CYP2J2: variants seen among roughly 807,000 people sequenced by gnomAD.
CYP2J2 encodes the protein cytochrome P450 2J2.
CYP2J2 carries 41 observed loss-of-function variants against 48.8 expected under a neutral mutation model. That is an observed-to-expected ratio of 0.84 (90% CI 0.66 to 1.09). The LOEUF (loss-of-function observed/expected upper bound fraction) is 1.09, where lower values mean the gene tolerates loss of function less well. Among genes scored for constraint, CYP2J2 ranks in the 50% least tolerant of loss-of-function variants. The pLI is 0.00. For synonymous variants in CYP2J2, 221 were observed against 227.1 expected, an observed-to-expected ratio of 0.97 and a Z score of 0.24; for missense variants, 644 against 617.3, an observed-to-expected ratio of 1.04 and a Z score of -0.46.
At position 59,900,990 on chromosome 1, in the gene CYP2J2, C is replaced by G; in HGVS notation, c.1305G>C (p.Arg435Ser). 6.2e-7 allele frequency: 1 copy of G among 1,614,134 alleles called. No individual in the cohort carries two copies. The highest frequency in any genetic ancestry group is 8.5e-7 in the Non-Finnish European group (1 of 1,179,994). The change falls in exon 8 of 9, where the codon AGG becomes AGC. Residue 435 changes from arginine to serine, a missense_variant. By Grantham distance (110) the Arg-to-Ser change is moderately radical. Coordinates refer to ENST00000371204, the MANE Select transcript of CYP2J2 (RefSeq NM_000775.4). ...HFLENGQFKK[R>S]EAFMPFSIGK... ...CTATTGAGAAAGGCATAAAGGCTTC[C>G]CTTTTCTTAAACTGTCCATTCTCCA...
upstream of CYP2J2, among the ~76,000 whole-genome samples, chr1:59,928,481 G>A (rs978784261): frequency 1.3e-5 from 2 of 152,146 alleles, no homozygotes; most frequent in African/African-American, 4.8e-5. Flanking sequence ...CCCCATTCTA[G>A]ACAGTTAAAT....
At chr1:59,927,172 T>C (rs1378224713), upstream of CYP2J2, among the ~76,000 whole-genome samples, 1 of 152,210 alleles carries the variant, frequency 6.6e-6, no homozygotes, top group African/African-American at 2.4e-5. Flanking sequence ...AAGCTCTCGG[T>C]AGTCTCATCT....
At chr1:59,923,968 C>T (rs1282336123) in intron 1 of CYP2J2, among the ~76,000 whole-genome samples, 1 of 152,026 alleles carries the variant, frequency 6.6e-6, no homozygotes, top group African/African-American at 2.4e-5. Context: ...ACAGGATAAA[C>T]CCAAAGAAAG....
the CYP2J2 span, among the ~76,000 whole-genome samples, chr1:59,965,405 C>T: frequency 1.3e-5 from 2 of 152,212 alleles, no homozygotes; most frequent in African/African-American, 4.8e-5. Context: ...CTGGGCTACT[C>T]CAACTCCACG....
chr1:59,955,241 T>TATATATATATCC, the CYP2J2 span, among the ~76,000 whole-genome samples: 9 of 137,024 alleles, frequency 6.6e-5, no homozygotes, highest in South Asian at 2.1e-4. Context: ...CGAATAAGGA[T>TATATATATATCC]ATATATATAT....
intron 1 of CYP2J2, among the ~76,000 whole-genome samples, chr1:59,924,439 A>C (rs1481104193): frequency 6.6e-6 from 1 of 152,186 alleles, no homozygotes; most frequent in Non-Finnish European, 1.5e-5. Context: ...TGCATTTAAC[A>C]TTCAAAAGCA....
chr1:59,960,278 T>A, the CYP2J2 span, among the ~76,000 whole-genome samples: 1 of 152,178 alleles, frequency 6.6e-6, no homozygotes, highest in African/African-American at 2.4e-5. Flanking sequence ...GGAGAAACTC[T>A]GGGAAATGGA....
At chr1:59,897,143 G>A (rs1044588081) in intron 8 of CYP2J2, among the ~76,000 whole-genome samples, 4 of 152,002 alleles carry the variant, frequency 2.6e-5, no homozygotes, top group Non-Finnish European at 5.9e-5. Context: ...AATTCATCTC[G>A]GTTCCCCTCA....
At position 59,893,592 on chromosome 1, in the gene CYP2J2, G is replaced by A; in HGVS notation, c.*59C>T. ...CCAACACATCTGAGCAGACACCAGTGGTTTCAGAACACGTGCCATGTCTTC... is the reference window on the plus strand; with the variant it reads ...CCAACACATCTGAGCAGACACCAGTAGTTTCAGAACACGTGCCATGTCTTC... On this transcript the variant is annotated 3_prime_UTR_variant, in exon 9 of 9. Transcript: ENST00000371204. 7.6e-7 allele frequency: 1 copy of A among 1,310,760 alleles called. No homozygotes were observed. Among genetic ancestry groups the A allele is most frequent in the South Asian group, 1.5e-5 (1 of 64,568 alleles). 81.2% of individuals were successfully genotyped at this position (1,310,760 alleles called of 1,614,324 possible).
At chr1:59,936,650 T>C in the CYP2J2 span, among the ~76,000 whole-genome samples, 4 of 152,224 alleles carry the variant, frequency 2.6e-5, no homozygotes, top group African/African-American at 9.6e-5. Flanking sequence ...TGTACCTTGC[T>C]CTATGTTGAT....
At chr1:59,950,363 C>T in the CYP2J2 span, among the ~76,000 whole-genome samples, 2 of 152,174 alleles carry the variant, frequency 1.3e-5, no homozygotes, top group East Asian at 1.9e-4. Flanking sequence ...TCAAGAGCTT[C>T]CCAGAGCTCT....
the CYP2J2 span, among the ~76,000 whole-genome samples, chr1:59,949,064 A>G: frequency 6.6e-6 from 1 of 151,846 alleles, no homozygotes; most frequent in African/African-American, 2.4e-5. Context: ...TGAAAGAAAA[A>G]GAACAGAATT....
chr1:59,956,759 G>A, the CYP2J2 span, among the ~76,000 whole-genome samples: 1 of 152,126 alleles, frequency 6.6e-6, no homozygotes, highest in Non-Finnish European at 1.5e-5. Context: ...AAACATGCTG[G>A]AAATTATCTG....
the CYP2J2 span, among the ~76,000 whole-genome samples, chr1:59,953,389 G>A: frequency 6.6e-6 from 1 of 152,076 alleles, no homozygotes; most frequent in African/African-American, 2.4e-5. Flanking sequence ...ACAACAGCCT[G>A]CTTTATTCTA....
intron 5 of CYP2J2, among the ~76,000 whole-genome samples, chr1:59,909,460 A>C (rs928300479): frequency 1.3e-5 from 2 of 152,210 alleles, no homozygotes; most frequent in Non-Finnish European, 2.9e-5. Context: ...CAGATACCAG[A>C]GAGAAGAGAA....
the CYP2J2 span, among the ~76,000 whole-genome samples, chr1:59,935,124 A>T: frequency 6.1e-5 from 9 of 148,660 alleles, no homozygotes; most frequent in South Asian, 1.9e-3. Context: ...ACGAATGTGG[A>T]GGACATTATG....
upstream of CYP2J2, among the ~76,000 whole-genome samples, chr1:59,927,966 C>T (rs551287528): frequency 3.8e-4 from 58 of 152,286 alleles, no homozygotes; most frequent in Non-Finnish European, 6.5e-4. Context: ...TCCTGTTTTA[C>T]TACAGCTGTT....
At chr1:59,919,213 T>C (rs1489328488) in intron 1 of CYP2J2, among the ~76,000 whole-genome samples, 1 of 152,244 alleles carries the variant, frequency 6.6e-6, no homozygotes, top group East Asian at 1.9e-4. Flanking sequence ...CTCTGAGGTT[T>C]AACATCTGTC....
chr1:59,948,415 CCAA>C, the CYP2J2 span, among the ~76,000 whole-genome samples: 27 of 152,234 alleles, frequency 1.8e-4, no homozygotes, highest in African/African-American at 6.3e-4. Context: ...GCAGCATGCA[CCAA>C]CAACATAAAC....
Sources: allele counts gnomAD v4.1 joint callset (sites outside exome capture counted in the v4.1 genomes callset), GRCh38; gene constraint gnomAD v4.1.1; transcripts MANE v1.5; gene names NCBI Gene and HGNC (gene_info 2026-07-23, HGNC 2026-07-21).